Variants in COQ6 observed in about 807,000 individuals in gnomAD.
COQ6 encodes coenzyme Q6, monooxygenase, also known as ubiquinone biosynthesis monooxygenase COQ6, mitochondrial.
In COQ6, 45 loss-of-function variants were observed where a neutral mutation model predicts 55.5. The ratio of observed to expected loss-of-function variants is 0.81; its 90% CI spans 0.64 to 1.04. The LOEUF is 1.04. Among genes scored for constraint, COQ6 ranks in the 50% least tolerant of loss-of-function variants. The probability of loss-of-function intolerance (pLI) is 0.00; values close to 1 mark genes in which losing one functional copy is unlikely to be tolerated. For synonymous variants in COQ6, 206 were observed against 230.5 expected (o/e 0.89, Z 0.96); for missense variants, 550 against 601.3 (o/e 0.91, Z 0.89).
chr14:73,962,927 CT>C (rs770490402), intron 11 of COQ6, 42 bp from the exon 12 acceptor site: 2 of 1,491,784 alleles, frequency 1.3e-6, no homozygotes, highest in East Asian at 2.3e-5. Flanking sequence ...TTTTCTTCAC[CT>C]TACTGTGTTA....
At chr14:73,960,054 C>A (rs2056640470) in intron 8 of COQ6, 1 of 1,003,474 alleles carries the variant, frequency 1.0e-6, no homozygotes, top group Non-Finnish European at 1.2e-6. Context: ...AAACAGCTGC[C>A]TGGGTGGTGG....
At chr14:73,950,286 T>G, upstream of COQ6, 1 of 1,540,932 alleles carries the variant, frequency 6.5e-7, no homozygotes, top group Non-Finnish European at 8.7e-7. Context: ...ACGCACTACG[T>G]AGGTGGGCCT....
At chr14:73,957,912 A>G in intron 4 of COQ6, 1 of 492,180 alleles carries the variant, frequency 2.0e-6, no homozygotes, top group East Asian at 4.0e-5. Flanking sequence ...ACAGTAAGAA[A>G]GAGTGCCTCT....
rs2056837708 is a variant in COQ6, at chr14:73,963,270, G to T, written c.*271G>T. 3.7e-6 allele frequency: 2 copies of T among 539,464 alleles called. No homozygotes were observed. The highest frequency in any genetic ancestry group is 5.8e-5 in the South Asian group (2 of 34,778). 33.4% of individuals were successfully genotyped at this position (539,464 alleles called of 1,614,324 possible). ...CTTTTTATTACTAAAAAACCCACAAGGTGCTGTCTCACTCATTTCCAGTTA... is the reference window on the plus strand; with the variant it reads ...CTTTTTATTACTAAAAAACCCACAATGTGCTGTCTCACTCATTTCCAGTTA... On this transcript the variant is annotated 3_prime_UTR_variant, in exon 12 of 12. Coordinates refer to ENST00000334571, the MANE Select transcript of COQ6 (RefSeq NM_182476.3).
intron 4 of COQ6, chr14:73,957,910 A>G: frequency 2.0e-6 from 1 of 489,072 alleles, no homozygotes; most frequent in Non-Finnish European, 3.7e-6. Context: ...GGACAGTAAG[A>G]AAGAGTGCCT....
intron 11 of COQ6, 149 bp from the exon 12 acceptor site, chr14:73,962,821 A>G (rs1168611959): frequency 1.5e-5 from 10 of 667,464 alleles, no homozygotes; most frequent in Non-Finnish European, 2.4e-5. Flanking sequence ...TGTCTCTAAA[A>G]CGTGTGTATA....
intron 6 of COQ6, 33 bp from the exon 7 acceptor site, chr14:73,959,129 T>G: frequency 6.2e-7 from 1 of 1,614,188 alleles, no homozygotes; most frequent in Non-Finnish European, 8.5e-7. Context: ...CACTAGGTAC[T>G]TCACAGAGAA....
intron 8 of COQ6, 47 bp downstream of exon 8, chr14:73,959,569 C>G: frequency 1.2e-6 from 2 of 1,612,998 alleles, no homozygotes; most frequent in Non-Finnish European, 1.7e-6. Context: ...GGGGGAGATA[C>G]AGAAAGGTGT....
intron 2 of COQ6, among the ~76,000 whole-genome samples, chr14:73,955,065 C>T (rs1488890320): frequency 1.3e-5 from 2 of 150,540 alleles, no homozygotes; most frequent in Non-Finnish European, 3.0e-5. Context: ...CATTCTCCTG[C>T]CTCAGCCTCT....
Position 73,961,869 on chromosome 14 carries a change from G to A in COQ6, c.1343G>A (p.Gly448Asp), listed in dbSNP as rs1350331121. Residue 448 changes from glycine (G) to aspartate (D), a missense_variant, in exon 11 of 12, where the codon GGC (glycine) becomes GAC (aspartate). Transcript: ENST00000334571. Reference sequence around the variant, plus strand: ...CCGCTTGTGTTGCTCAGGACGTGGGGCTTGCAGGCCACAAATGCAGTGTCT... The same window carrying A: ...CCGCTTGTGTTGCTCAGGACGTGGGACTTGCAGGCCACAAATGCAGTGTCT... Reference protein sequence around the residue: ...ASPLVLLRTWGLQATNAVSPL... With the variant: ...ASPLVLLRTWDLQATNAVSPL... 6.2e-7 allele frequency: 1 copy of A among 1,614,058 alleles called. No homozygotes were observed. Among genetic ancestry groups the A allele is most frequent in the African/African-American group, 1.3e-5 (1 of 74,920 alleles).
At chr14:73,958,306 G>T (rs2140396798) in intron 5 of COQ6, 29 bp downstream of exon 5, 1 of 1,613,338 alleles carries the variant, frequency 6.2e-7, no homozygotes, top group East Asian at 2.2e-5. Flanking sequence ...TTTGCTAGGG[G>T]TCTTGTATAT....
Position 73,958,131 on chromosome 14 carries a change from C to T in COQ6, c.482-16C>T, listed in dbSNP as rs1566687533. ...CCACCTTTCTAATTTTTTTTCCTCTCTTTTGACCTCCCCAGACCGAGTGAC... is the reference window on the plus strand; with the variant it reads ...CCACCTTTCTAATTTTTTTTCCTCTTTTTTGACCTCCCCAGACCGAGTGAC... On this transcript the variant is annotated splice_polypyrimidine_tract_variant and intron_variant, in intron 4 of 11. Transcript: ENST00000334571. The T allele has an allele frequency of 6.2e-7, 1 of 1,612,296 alleles. No homozygotes were observed. Among genetic ancestry groups the T allele is most frequent in the South Asian group, 1.1e-5 (1 of 91,020 alleles).
Position 73,959,396 on chromosome 14 carries a change from T to C in COQ6, c.784-19T>C. ...GCAGCAGAGTCTTAGCCGTTGGTAT[T>C]GGTGTTCTTTTGACACAGCTCTCAG... is the stretch of plus-strand genomic sequence containing the variant. On this transcript the variant is annotated intron_variant, in intron 7 of 11. Transcript: ENST00000334571. 1.2e-6 allele frequency: 2 copies of C among 1,614,216 alleles called. No individual in the cohort carries two copies. The highest frequency in any genetic ancestry group is 3.3e-5 in the Admixed American group (2 of 60,030).
rs869273031 is a variant in COQ6, at chr14:73,952,114, C to CTTTTT, written c.164-1300_164-1296dup. Among the ~76,000 whole-genome samples, 387 of 73,786 alleles carry CTTTTT rather than the reference C, an allele frequency of 5.2e-3. 25 individuals carry two copies. Among genetic ancestry groups the CTTTTT allele is most frequent in the East Asian group, 0.014 (30 of 2,208 alleles). 48.4% of individuals were successfully genotyped at this position (73,786 alleles called of 152,430 possible). On this transcript the variant is annotated intron_variant, in intron 1 of 11. Transcript: ENST00000334571. ...TCACTGTCTGTATGGCTGGAGCTAA[C>CTTTTT]TTTTTTTTTTTTTTTTTTTTTTTTT...
chr14:73,950,370 G>T lies in COQ6; in HGVS notation c.38G>T (p.Arg13Leu), dbSNP rs1307976176. The T allele has an allele frequency of 2.6e-6, 4 of 1,563,140 alleles. No individual in the cohort carries two copies. The highest frequency in any genetic ancestry group is 3.5e-6 in the Non-Finnish European group (4 of 1,155,890). The change falls in exon 1 of 12, where the codon CGT (arginine) becomes CTT (leucine). Residue 13 changes from arginine (R) to leucine (L), a missense_variant. Physicochemically the swap from Arg to Leu is moderately radical, Grantham distance 102. Transcript: ENST00000334571. Reference protein sequence around the residue: ...ARLVSRCGAVRAAPHSGPLVS... With the variant: ...ARLVSRCGAVLAAPHSGPLVS... ...CTTGTCAGCCGATGCGGGGCTGTGCGTGCAGCTCCCCACAGCGGCCCGCTG... is the reference window on the plus strand; with the variant it reads ...CTTGTCAGCCGATGCGGGGCTGTGCTTGCAGCTCCCCACAGCGGCCCGCTG...
chr14:73,958,871 C>A, intron 5 of COQ6, 100 bp from the exon 6 acceptor site: 1 of 1,558,738 alleles, frequency 6.4e-7, no homozygotes, highest in Admixed American at 1.9e-5. Flanking sequence ...TCCTGCCACA[C>A]AACAATCAGA....
intron 2 of COQ6, among the ~76,000 whole-genome samples, chr14:73,955,006 C>CCACT (rs1369216944): frequency 1.5e-5 from 2 of 137,348 alleles, no homozygotes; most frequent in African/African-American, 5.5e-5. Flanking sequence ...GGCTGGAGTG[C>CCACT]AGTGGCACGA....
upstream of COQ6, chr14:73,950,272 C>G (rs866167214): frequency 3.2e-6 from 5 of 1,539,352 alleles, no homozygotes; most frequent in South Asian, 2.4e-5. Context: ...GTGCTCTGCT[C>G]CGGACGCACT....
rs771349134 is a variant in COQ6 at position 73,961,374 on chromosome 14, G to A, written c.1093G>A (p.Gly365Arg). ...EYVRPRVALI[G>R]DAAHRVHPLA... The stretch of plus-strand genomic sequence containing the variant: ...CGTCAGGCCTCGGGTGGCGCTCATT[G>A]GGTAAGACGATAACAGAGCAGGGCC... The change falls in exon 9 of 12, where the codon GGG becomes AGG. Residue 365 changes from glycine (G) to arginine (R), a missense_variant and splice_region_variant. Gly to Arg is a moderately radical substitution (Grantham distance 125, BLOSUM62 -2). Coordinates refer to ENST00000334571, the MANE Select transcript of COQ6 (RefSeq NM_182476.3). 1 of 1,614,202 alleles carries A rather than the reference G, an allele frequency of 6.2e-7. No homozygotes were observed. Among genetic ancestry groups the A allele is most frequent in the Non-Finnish European group, 8.5e-7 (1 of 1,180,038 alleles).
Sources: allele counts gnomAD v4.1 joint callset (sites outside exome capture counted in the v4.1 genomes callset), GRCh38; gene constraint gnomAD v4.1.1; transcripts MANE v1.5; gene names NCBI Gene and HGNC (gene_info 2026-07-23, HGNC 2026-07-21).